Variants in GRM7 observed in about 807,000 individuals in gnomAD.
The protein encoded by GRM7 is metabotropic glutamate receptor 7.
GRM7 carries 35 observed loss-of-function variants against 84.5 expected under a neutral mutation model. The ratio of observed to expected loss-of-function variants is 0.41; its 90% CI spans 0.32 to 0.55. The LOEUF (loss-of-function observed/expected upper bound fraction) is 0.55, where lower values mean the gene tolerates loss of function less well. GRM7 is among the 20% of genes least tolerant of loss of function. The probability of loss-of-function intolerance (pLI) is 0.19; values close to 1 mark genes in which losing one functional copy is unlikely to be tolerated. For synonymous variants in GRM7, 487 were observed against 455.1 expected, an observed-to-expected ratio of 1.07 and a Z score of -0.89; for missense variants, 1,003 against 1,194.6, an observed-to-expected ratio of 0.84 and a Z score of 2.36.
At chr3:6,867,298 T>C (rs892388959) in intron 1 of GRM7, among the ~76,000 whole-genome samples, 3 of 152,188 alleles carry the variant, frequency 2.0e-5, no homozygotes, top group African/African-American at 7.2e-5. Flanking sequence ...ACTTTAAACA[T>C]AATTCTTTTA....
chr3:7,642,097 C>T (rs1698389818), intron 8 of GRM7, among the ~76,000 whole-genome samples: 1 of 152,162 alleles, frequency 6.6e-6, no homozygotes, highest in South Asian at 2.1e-4. Context: ...GAACTGTTAA[C>T]AAGGAACTTA....
chr3:7,673,102 T>C (rs1699987869), intron 8 of GRM7, among the ~76,000 whole-genome samples: 1 of 152,226 alleles, frequency 6.6e-6, no homozygotes, highest in Non-Finnish European at 1.5e-5. Context: ...GAGTGGTTGT[T>C]ACATGCTAGT....
chr3:7,671,977 C>T (rs1263574428), intron 8 of GRM7, among the ~76,000 whole-genome samples: 1 of 152,012 alleles, frequency 6.6e-6, no homozygotes, highest in Non-Finnish European at 1.5e-5. Context: ...CCAAAGTCAC[C>T]CACTAATAAT....
intron 1 of GRM7, among the ~76,000 whole-genome samples, chr3:7,112,476 G>A (rs1156282473): frequency 2.6e-5 from 4 of 152,086 alleles, no homozygotes; most frequent in Admixed American, 1.3e-4. Context: ...TGCCTGCTTC[G>A]GCCTCCCAAA....
At chr3:6,922,833 T>C (rs1366013204) in intron 1 of GRM7, among the ~76,000 whole-genome samples, 7 of 152,168 alleles carry the variant, frequency 4.6e-5, no homozygotes, top group Non-Finnish European at 1.5e-5. Flanking sequence ...TTGACTGCCA[T>C]TGGAATGGTC....
chr3:7,204,893 C>A (rs755764369), intron 2 of GRM7, among the ~76,000 whole-genome samples: 1 of 152,210 alleles, frequency 6.6e-6, no homozygotes, highest in Non-Finnish European at 1.5e-5. Flanking sequence ...TTGGGGATTT[C>A]TGAGCTGTTT....
intron 1 of GRM7, among the ~76,000 whole-genome samples, chr3:7,028,001 G>A (rs1054259493): frequency 3.9e-5 from 6 of 152,052 alleles, no homozygotes; most frequent in African/African-American, 7.3e-5. Flanking sequence ...TGTAATGACT[G>A]ATAGTAAATC....
At chr3:6,927,047 A>AAATTTTACC (rs1225241807) in intron 1 of GRM7, among the ~76,000 whole-genome samples, 1 of 152,222 alleles carries the variant, frequency 6.6e-6, no homozygotes, top group East Asian at 1.9e-4. Flanking sequence ...TGACCACTGT[A>AAATTTTACC]TATGTAGACA....
At chr3:7,353,824 C>T (rs1320989273) in intron 4 of GRM7, among the ~76,000 whole-genome samples, 2 of 152,072 alleles carry the variant, frequency 1.3e-5, no homozygotes, top group African/African-American at 4.8e-5. Context: ...CCACCAAAAG[C>T]AAGGTGTACA....
At chr3:7,170,112 G>A (rs1330983795) in intron 2 of GRM7, among the ~76,000 whole-genome samples, 4 of 152,182 alleles carry the variant, frequency 2.6e-5, no homozygotes, top group African/African-American at 9.7e-5. Context: ...CACTTTGAGA[G>A]CCACTGGCAT....
intron 1 of GRM7, among the ~76,000 whole-genome samples, chr3:7,034,026 T>G (rs1390354124): frequency 1.3e-5 from 2 of 152,190 alleles, no homozygotes; most frequent in African/African-American, 4.8e-5. Flanking sequence ...GTATGAATCT[T>G]TCATTTAATG....
intron 7 of GRM7, among the ~76,000 whole-genome samples, chr3:7,513,970 A>T (rs1293682500): frequency 1.3e-5 from 2 of 152,234 alleles, no homozygotes; most frequent in African/African-American, 4.8e-5. Context: ...ATTTCACTTT[A>T]GCAGAGCTAA....
At chr3:7,498,010 G>T (rs1454792186) in intron 7 of GRM7, among the ~76,000 whole-genome samples, 1 of 152,070 alleles carries the variant, frequency 6.6e-6, no homozygotes, top group Non-Finnish European at 1.5e-5. Flanking sequence ...AGGAAATTTT[G>T]TTCAAAGAAC....
chr3:7,118,433 A>G (rs922883569), intron 1 of GRM7, among the ~76,000 whole-genome samples: 1 of 150,688 alleles, frequency 6.6e-6, no homozygotes, highest in African/African-American at 2.4e-5. Context: ...AAAAATAAGA[A>G]ACTTCACCAT....
At chr3:7,050,723 G>A (rs1025354423) in intron 1 of GRM7, among the ~76,000 whole-genome samples, 1 of 151,926 alleles carries the variant, frequency 6.6e-6, no homozygotes, top group African/African-American at 2.4e-5. Flanking sequence ...TTATAGGAAT[G>A]TTTCTGTATT....
chr3:7,017,697 G>C (rs1332654697), intron 1 of GRM7, among the ~76,000 whole-genome samples: 3 of 152,136 alleles, frequency 2.0e-5, no homozygotes, highest in African/African-American at 7.2e-5. Flanking sequence ...GAAATCCTGA[G>C]TTCATGGTAC....
intron 2 of GRM7, among the ~76,000 whole-genome samples, chr3:7,242,768 C>G (rs978130104): frequency 2.6e-5 from 4 of 152,112 alleles, no homozygotes; most frequent in African/African-American, 9.7e-5. Context: ...TGCCTCTGAT[C>G]TATTCCAGAG....
intron 1 of GRM7, among the ~76,000 whole-genome samples, chr3:6,935,367 A>G (rs1034275330): frequency 3.3e-4 from 50 of 151,958 alleles, no homozygotes; most frequent in African/African-American, 1.2e-3. Flanking sequence ...TTTTTTGAAA[A>G]GGAAGTCTAT....
At chr3:7,288,163 T>C (rs1184223967) in intron 2 of GRM7, among the ~76,000 whole-genome samples, 1 of 152,140 alleles carries the variant, frequency 6.6e-6, no homozygotes, top group East Asian at 1.9e-4. Flanking sequence ...ACTCAATCCT[T>C]CTCCTTTAAG....
Sources: allele counts gnomAD v4.1 joint callset (sites outside exome capture counted in the v4.1 genomes callset), GRCh38; gene constraint gnomAD v4.1.1; transcripts MANE v1.5; gene names NCBI Gene and HGNC (gene_info 2026-07-23, HGNC 2026-07-21).